Variants in CFAP20DC observed in about 807,000 individuals in gnomAD.
CFAP20DC encodes the protein protein CFAP20DC.
A neutral mutation model predicts 101.7 loss-of-function variants in CFAP20DC; 84 were observed. That is an observed-to-expected ratio of 0.83 (90% confidence interval 0.69 to 0.99). CFAP20DC has a LOEUF of 0.99. Ranked by LOEUF, CFAP20DC falls within the 50% of genes least tolerant of loss-of-function variation. The pLI is 0.00. For synonymous variants in CFAP20DC, 359 were observed against 351.2 expected (o/e 1.02, Z -0.25); for missense variants, 1,007 against 970.3 (o/e 1.04, Z -0.50).
intron 16 of CFAP20DC, among the ~76,000 whole-genome samples, chr3:58,749,109 A>C (rs979904075): frequency 1.3e-5 from 2 of 152,202 alleles, no homozygotes; most frequent in Non-Finnish European, 2.9e-5. Context: ...TCGAGGTACA[A>C]AAAAGATCAA....
At chr3:58,922,235 C>T (rs2085457795) in intron 5 of CFAP20DC, among the ~76,000 whole-genome samples, 2 of 152,168 alleles carry the variant, frequency 1.3e-5, no homozygotes, top group African/African-American at 4.8e-5. Flanking sequence ...TACCATCTTG[C>T]TCTTTGTTTT....
rs9860901 is a variant in CFAP20DC, at chr3:58,790,933, T to C, written c.2237+15462A>G. ...TGATATTAAAAAATTCAAGAGGTAT[T>C]TTATGAAAAGTGATGGTTCTACTTA... On this transcript the variant is annotated intron_variant, in intron 15 of 16. Transcript: ENST00000482387. Among the ~76,000 whole-genome samples the C allele has an allele frequency of 9.9e-3, 1,509 of 152,130 alleles. 24 individuals carry two copies. The highest frequency in any genetic ancestry group is 0.035 in the African/African-American group (1,459 of 41,500).
chr3:59,031,109 G>A (rs1168344385), intron 4 of CFAP20DC, among the ~76,000 whole-genome samples: 4 of 152,106 alleles, frequency 2.6e-5, no homozygotes, highest in Admixed American at 1.3e-4. Context: ...GGCTTGAGCC[G>A]CCGTGCCTGG....
chr3:58,965,628 A>C (rs2091468488), intron 4 of CFAP20DC, among the ~76,000 whole-genome samples: 2 of 152,196 alleles, frequency 1.3e-5, no homozygotes, highest in Admixed American at 1.3e-4. Context: ...CATATAGATA[A>C]AAGAATTAAA....
At position 58,869,204 on chromosome 3, in the gene CFAP20DC, A is replaced by G; in HGVS notation, c.1015+124T>C. 2 of 684,236 alleles carry G rather than the reference A, an allele frequency of 2.9e-6. No homozygotes were observed. The highest frequency in any genetic ancestry group is 4.6e-6 in the Non-Finnish European group (2 of 435,640). The allele number at this position is 684,236 out of a possible 1,614,324, so 42.4% of individuals were successfully genotyped here. A position where few individuals can be genotyped will look rare whatever the true frequency, so the allele number is the denominator to read the frequency against. On this transcript the variant is annotated intron_variant, in intron 9 of 16. Coordinates refer to ENST00000482387, the MANE Select transcript of CFAP20DC (RefSeq NM_001394063.1). This position sits in a 1 kb window ranked among gnomAD's most constrained non-coding sequence, Gnocchi z 4.3. ...TATTTCAAAATCAACCACCCTTTTC[A>G]TTATTAAATGACAATTCTCTAGACT...
chr3:58,988,207 T>C (rs745404045), intron 4 of CFAP20DC, among the ~76,000 whole-genome samples: 16 of 152,060 alleles, frequency 1.1e-4, no homozygotes, highest in Non-Finnish European at 1.9e-4. Flanking sequence ...TATGATCAAC[T>C]GGACAGGTGC....
chr3:59,029,329 CAGT>C (rs1185371907), intron 4 of CFAP20DC, among the ~76,000 whole-genome samples: 1 of 151,980 alleles, frequency 6.6e-6, no homozygotes, highest in Non-Finnish European at 1.5e-5. Context: ...TAAACTGTTA[CAGT>C]TGTAATGAAG....
intron 4 of CFAP20DC, among the ~76,000 whole-genome samples, chr3:58,980,617 T>C (rs1385132686): frequency 6.6e-6 from 1 of 152,196 alleles, no homozygotes; most frequent in Non-Finnish European, 1.5e-5. Context: ...CATGATTATC[T>C]CAATAGATGC....
chr3:58,865,276 C>T (rs1044924443), intron 11 of CFAP20DC, among the ~76,000 whole-genome samples: 6 of 151,958 alleles, frequency 3.9e-5, no homozygotes, highest in African/African-American at 1.4e-4. Context: ...AAAGCAAAAG[C>T]AAAAGAACCC....
chr3:58,873,917 G>A (rs1337693685), intron 7 of CFAP20DC, among the ~76,000 whole-genome samples: 3 of 152,214 alleles, frequency 2.0e-5, no homozygotes, highest in Admixed American at 2.0e-4. Flanking sequence ...TGTTCTAGAT[G>A]TTGTCAGGCA....
chr3:58,954,177 GA>G (rs1380363534), intron 4 of CFAP20DC, among the ~76,000 whole-genome samples: 1 of 152,114 alleles, frequency 6.6e-6, no homozygotes, highest in Non-Finnish European at 1.5e-5. Context: ...CTTCATCTTT[GA>G]TTGACAGTTT....
At chr3:58,940,581 T>C (rs906030640) in intron 4 of CFAP20DC, among the ~76,000 whole-genome samples, 1 of 152,210 alleles carries the variant, frequency 6.6e-6, no homozygotes, top group Admixed American at 6.5e-5. Context: ...CAGTTGACCA[T>C]AAATATATGT....
At position 59,015,380 on chromosome 3, in the gene CFAP20DC, G is replaced by T. The variant is rs1316771760; in HGVS notation, c.278+24177C>A. On this transcript the variant is annotated intron_variant, in intron 4 of 16. Transcript: ENST00000482387. The surrounding 1 kb of genome is among the most constrained non-coding windows in gnomAD (Gnocchi z 5.4). ...GGAAAAGAAAAATTAGGAAGAAGAA[G>T]AATAAAAGAAGTAAAAGGCAAAGGG... Among the ~76,000 whole-genome samples, 1 of 151,018 alleles carries T rather than the reference G, an allele frequency of 6.6e-6. No individual in the cohort carries two copies.
intron 15 of CFAP20DC, among the ~76,000 whole-genome samples, chr3:58,761,873 C>G (rs1575576556): frequency 6.6e-6 from 1 of 152,066 alleles, no homozygotes; most frequent in East Asian, 1.9e-4. Flanking sequence ...ATCCTGAGTT[C>G]TAGTTTGATT....
rs80004620 is a variant in CFAP20DC, at chr3:58,832,235, A to T, written c.1972-346T>A. Among the ~76,000 whole-genome samples the T allele has an allele frequency of 2.5e-3, 375 of 152,252 alleles. 2 individuals are homozygous for T. Among genetic ancestry groups the T allele is most frequent in the African/African-American group, 8.5e-3 (353 of 41,564 alleles). ...CAGGGAAGCCTTTCCTGACAACCATAAACTGGGTCAGCTCCTTTATGATGC... is the reference window on the plus strand; with the variant it reads ...CAGGGAAGCCTTTCCTGACAACCATTAACTGGGTCAGCTCCTTTATGATGC... On this transcript the variant is annotated intron_variant, in intron 13 of 16. Coordinates refer to ENST00000482387, the MANE Select transcript of CFAP20DC (RefSeq NM_001394063.1).
intron 4 of CFAP20DC, among the ~76,000 whole-genome samples, chr3:58,966,359 T>A (rs1340297652): frequency 6.6e-6 from 1 of 152,046 alleles, no homozygotes; most frequent in Non-Finnish European, 1.5e-5. Context: ...TGTCCCTACG[T>A]CAGGCTTGGC....
chr3:59,049,895 T>A lies in CFAP20DC; in HGVS notation c.-264A>T. The A allele has an allele frequency of 1.8e-6, 1 of 552,966 alleles. No homozygotes were observed. Among genetic ancestry groups the A allele is most frequent in the Non-Finnish European group, 3.2e-6 (1 of 311,074 alleles). 34.3% of individuals were successfully genotyped at this position (552,966 alleles called of 1,614,324 possible). A position where few individuals can be genotyped will look rare whatever the true frequency, so the allele number is the denominator to read the frequency against. On this transcript the variant is annotated 5_prime_UTR_variant, in exon 1 of 17. Coordinates refer to ENST00000482387, the MANE Select transcript of CFAP20DC (RefSeq NM_001394063.1). ...GGAGGGCGCAGCTGCCTGGACGGAC[T>A]CCGGGCCGTCCCTGGGGAGTGATTG...
intron 6 of CFAP20DC, among the ~76,000 whole-genome samples, chr3:58,905,958 G>A (rs2083547316): frequency 6.6e-6 from 1 of 152,072 alleles, no homozygotes; most frequent in Non-Finnish European, 1.5e-5. Flanking sequence ...GCAGCAAACT[G>A]AAATAATTAG....
chr3:58,765,490 C>CAAAAAAAAAAAAAAAAAAAAACAA (rs1337049385), intron 15 of CFAP20DC, among the ~76,000 whole-genome samples: 17 of 81,790 alleles, frequency 2.1e-4, no homozygotes, highest in African/African-American at 3.5e-4. Context: ...AAAAAAAAAC[C>CAAAAAAAAAAAAAAAAAAAAACAA]AAAAAAAAAA....
Sources: allele counts gnomAD v4.1 joint callset (sites outside exome capture counted in the v4.1 genomes callset), GRCh38; gene constraint gnomAD v4.1.1; non-coding constraint Gnocchi (gnomAD v3.1); transcripts MANE v1.5; gene names NCBI Gene and HGNC (gene_info 2026-07-23, HGNC 2026-07-21).